Variants in PCDHGA6 observed in about 807,000 individuals in gnomAD.
PCDHGA6 encodes the protein protocadherin gamma subfamily A, 6, also known as protocadherin gamma-A6.
PCDHGA6 carries 41 observed loss-of-function variants against 60.6 expected under a neutral mutation model. The ratio of observed to expected loss-of-function variants is 0.68; its 90% confidence interval spans 0.53 to 0.88. PCDHGA6 has a LOEUF of 0.88. PCDHGA6 is among the 40% of genes least tolerant of loss of function. PCDHGA6 has a pLI of 0.00. For missense variants in PCDHGA6, 1,312 were observed against 1,203.0 expected, an observed-to-expected ratio of 1.09 and a Z score of -1.34; for synonymous variants, 594 against 524.4, an observed-to-expected ratio of 1.13 and a Z score of -1.81.
intron 1 of PCDHGA6, among the ~76,000 whole-genome samples, chr5:141,452,868 C>T (rs1339532803): frequency 6.6e-6 from 1 of 152,170 alleles, no homozygotes; most frequent in Non-Finnish European, 1.5e-5. Flanking sequence ...TTTTCTAACT[C>T]CATTTGTAAT....
intron 1 of PCDHGA6, chr5:141,389,105 T>C (rs1394118929): frequency 1.9e-6 from 3 of 1,614,018 alleles, no homozygotes; most frequent in East Asian, 2.2e-5. Context: ...CAGATGCTGT[T>C]CTAGACCGCG....
At chr5:141,402,103 A>C (rs565155809) in intron 1 of PCDHGA6, among the ~76,000 whole-genome samples, 3 of 152,336 alleles carry the variant, frequency 2.0e-5, no homozygotes, top group African/African-American at 4.8e-5. Flanking sequence ...TTAAGCAATT[A>C]CAAAAATGTG....
chr5:141,389,741 G>T (rs537380299), intron 1 of PCDHGA6: 31 of 1,612,676 alleles, frequency 1.9e-5, no homozygotes, highest in Admixed American at 6.7e-5. Context: ...GCCTGGGGCT[G>T]CGCACGGGCG....
chr5:141,430,583 C>A, intron 1 of PCDHGA6: 1 of 490,378 alleles, frequency 2.0e-6, no homozygotes, highest in Non-Finnish European at 3.4e-6. Flanking sequence ...AGATCCTGCT[C>A]GCCTTGCACG....
In PCDHGA6 at chr5:141,476,962, C is replaced by A. The variant is rs2099402286; in HGVS notation, c.2425-17845C>A. On this transcript the variant is annotated intron_variant, in intron 1 of 3. Coordinates refer to ENST00000517434, the MANE Select transcript of PCDHGA6 (RefSeq NM_018919.3). This position sits in a 1 kb window ranked among gnomAD's most constrained non-coding sequence, Gnocchi z 7.6. ...GCCCCAACGGTGAAATTATTTACTCCTTCGGCAGCCACAACCGCGCCGGCG... is the reference window on the plus strand; with the variant it reads ...GCCCCAACGGTGAAATTATTTACTCATTCGGCAGCCACAACCGCGCCGGCG... 2 of 1,614,200 alleles carry A rather than the reference C, an allele frequency of 1.2e-6. No individual in the cohort carries two copies. The highest frequency in any genetic ancestry group is 1.7e-6 in the Non-Finnish European group (2 of 1,180,042).
In PCDHGA6 at chr5:141,382,919, G is replaced by A. The variant is rs1467219150; in HGVS notation, c.2424+6412G>A. 14 of 1,559,330 alleles carry A rather than the reference G, an allele frequency of 9.0e-6. No homozygotes were observed. Among genetic ancestry groups the A allele is most frequent in the Non-Finnish European group, 1.1e-5 (13 of 1,152,236 alleles). ...ACGACTATGGCGGCTCAGCCGAGGG[G>A]CGGGGACTACAGAGGATTCTTCCTG... On this transcript the variant is annotated intron_variant, in intron 1 of 3. Coordinates refer to ENST00000517434, the MANE Select transcript of PCDHGA6 (RefSeq NM_018919.3).
intron 2 of PCDHGA6, among the ~76,000 whole-genome samples, chr5:141,503,568 C>T (rs1357099545): frequency 6.9e-6 from 1 of 144,390 alleles, no homozygotes; most frequent in Non-Finnish European, 1.5e-5. Context: ...CACTGTACTC[C>T]AGCCTGGGTG....
chr5:141,466,746 T>C (rs1035272591), intron 1 of PCDHGA6, among the ~76,000 whole-genome samples: 1 of 152,224 alleles, frequency 6.6e-6, no homozygotes, highest in African/African-American at 2.4e-5. Context: ...GTTACTCTGA[T>C]AGGGGCTCTT....
At position 141,425,713 on chromosome 5, in the gene PCDHGA6, C is replaced by T. The variant is rs191037499; in HGVS notation, c.2424+49206C>T. 3.9e-4 allele frequency among the ~76,000 whole-genome samples: 60 copies of T among 152,312 alleles called. No homozygotes were observed. In the East Asian group the frequency reaches 6.7e-3, roughly 17 times the overall value. On this transcript the variant is annotated intron_variant, in intron 1 of 3. Transcript: ENST00000517434. ...CATTTCATAGTGGTCAAAATTTTCC[C>T]ATACCACTTGATGGGGATGTTTTCC...
intron 1 of PCDHGA6, among the ~76,000 whole-genome samples, chr5:141,484,072 G>A (rs2099591675): frequency 6.6e-6 from 1 of 152,258 alleles, no homozygotes; most frequent in Admixed American, 6.5e-5. Flanking sequence ...TGAAAAGCTT[G>A]CTCTTTTGAA....
Position 141,375,315 on chromosome 5 carries a change from A to T in PCDHGA6, c.1232A>T (p.Asp411Val), listed in dbSNP as rs372335399. The T allele has an allele frequency of 3.7e-6, 6 of 1,613,674 alleles. No homozygotes were observed. The highest frequency in any genetic ancestry group is 5.1e-6 in the Non-Finnish European group (6 of 1,179,896). The part of the protein sequence containing the change: ...YYRLVTNAAL[D>V]REEVFLYNIT... ...CGATTAGTGACAAATGCAGCTCTAG[A>T]CCGGGAAGAGGTATTCTTGTACAAC... Residue 411 changes from aspartate (D) to valine (V), a missense_variant, in exon 1 of 4, where the codon GAC becomes GTC. Physicochemically the swap from Asp to Val is radical, Grantham distance 152. Coordinates refer to ENST00000517434, the MANE Select transcript of PCDHGA6 (RefSeq NM_018919.3).
chr5:141,506,834 C>T (rs2099856597), intron 3 of PCDHGA6, among the ~76,000 whole-genome samples: 1 of 152,140 alleles, frequency 6.6e-6, no homozygotes, highest in Non-Finnish European at 1.5e-5. Flanking sequence ...ACTGATAGCC[C>T]TGCCCTCCAG....
intron 1 of PCDHGA6, chr5:141,395,337 T>G (rs1265011600): frequency 7.0e-7 from 1 of 1,433,514 alleles, no homozygotes; most frequent in African/African-American, 1.4e-5. Context: ...AAATAATTTT[T>G]AAGGTGTATC....
intron 1 of PCDHGA6, chr5:141,402,990 T>A (rs773089843): frequency 1.6e-5 from 26 of 1,611,934 alleles, no homozygotes; most frequent in Non-Finnish European, 2.0e-5. Context: ...CGCGGAAGAT[T>A]AGTCCTGCTA....
Position 141,432,075 on chromosome 5 carries a change from C to T in PCDHGA6, c.2424+55568C>T. On this transcript the variant is annotated intron_variant, in intron 1 of 3. Transcript: ENST00000517434. The surrounding 1 kb of genome is among the most constrained non-coding windows in gnomAD (Gnocchi z 6.0). ...CCCCTATCCACGGAAACTCATATCT[C>T]GCTGAACGTGGCAGACACCAACGAC... 3 of 1,614,204 alleles carry T rather than the reference C, an allele frequency of 1.9e-6. No homozygotes were observed. Among genetic ancestry groups the T allele is most frequent in the Non-Finnish European group, 2.5e-6 (3 of 1,180,046 alleles).
chr5:141,430,661 GCT>G, intron 1 of PCDHGA6: 1 of 1,159,744 alleles, frequency 8.6e-7, no homozygotes, highest in South Asian at 2.1e-5. Flanking sequence ...CAACGGAGGA[GCT>G]CTGACTTCCC....
chr5:141,393,727 A>C, intron 1 of PCDHGA6: 1 of 1,613,852 alleles, frequency 6.2e-7, no homozygotes, highest in Non-Finnish European at 8.5e-7. Flanking sequence ...TCAATAGCAA[A>C]AAGTCTAGAT....
In PCDHGA6 at chr5:141,432,021, C is replaced by G. The variant is rs746940912; in HGVS notation, c.2424+55514C>G. 1.9e-5 allele frequency: 30 copies of G among 1,614,076 alleles called. No individual in the cohort carries two copies. The highest frequency in any genetic ancestry group is 2.7e-5 in the African/African-American group (2 of 74,922). Reference sequence around the variant, plus strand: ...GAACAGGTTCCTAGCTACAACATCACAGTGACCGCCACTGACCGGGGAACC... The same window carrying G: ...GAACAGGTTCCTAGCTACAACATCAGAGTGACCGCCACTGACCGGGGAACC... On this transcript the variant is annotated intron_variant, in intron 1 of 3. Transcript: ENST00000517434. The surrounding 1 kb of genome is among the most constrained non-coding windows in gnomAD (Gnocchi z 6.0).
chr5:141,415,966 C>G, intron 1 of PCDHGA6: 1 of 405,604 alleles, frequency 2.5e-6, no homozygotes, highest in Non-Finnish European at 4.0e-6. Flanking sequence ...AAACTCCAGC[C>G]CCTTAAGCAA....
Sources: allele counts gnomAD v4.1 joint callset (sites outside exome capture counted in the v4.1 genomes callset), GRCh38; gene constraint gnomAD v4.1.1; non-coding constraint Gnocchi (gnomAD v3.1); transcripts MANE v1.5; gene names NCBI Gene and HGNC (gene_info 2026-07-23, HGNC 2026-07-21).